Variants in CNGB3 observed in about 807,000 individuals in gnomAD.
CNGB3 encodes cyclic nucleotide gated channel subunit beta 3.
CNGB3 carries 86 observed loss-of-function variants against 92.8 expected under a neutral mutation model. The observed-to-expected ratio is 0.93, with a 90% CI of 0.78 to 1.11. The LOEUF (loss-of-function observed/expected upper bound fraction) is 1.11, where lower values mean the gene tolerates loss of function less well. Among genes scored for constraint, CNGB3 ranks in the 50% least tolerant of loss-of-function variants. CNGB3 has a pLI of 0.00. For synonymous variants in CNGB3, 333 were observed against 332.7 expected, an observed-to-expected ratio of 1.00 and a Z score of -0.01; for missense variants, 1,026 against 956.8, an observed-to-expected ratio of 1.07 and a Z score of -0.95.
intron 3 of CNGB3, among the ~76,000 whole-genome samples, chr8:86,723,713 T>C (rs999700796): frequency 1.3e-5 from 2 of 152,254 alleles, no homozygotes; most frequent in African/African-American, 4.8e-5. Context: ...CAGCTGGTTT[T>C]CACCCAATCC....
chr8:86,676,398 A>G (rs1341494984), intron 3 of CNGB3, among the ~76,000 whole-genome samples: 1 of 152,172 alleles, frequency 6.6e-6, no homozygotes, highest in African/African-American at 2.4e-5. Flanking sequence ...TCGCTGCCTA[A>G]TAGAATACAA....
intron 3 of CNGB3, among the ~76,000 whole-genome samples, chr8:86,683,118 ATAGAGACAT>A (rs921192527): frequency 6.6e-6 from 1 of 152,232 alleles, no homozygotes; most frequent in Non-Finnish European, 1.5e-5. Context: ...GAAAGTATAG[ATAGAGACAT>A]TATTTTTATT....
chr8:86,633,877 G>T (rs938287133), intron 10 of CNGB3, among the ~76,000 whole-genome samples: 2 of 152,096 alleles, frequency 1.3e-5, no homozygotes, highest in Non-Finnish European at 2.9e-5. Context: ...TATTGAATAC[G>T]TAAACCATGG....
At chr8:86,618,716 A>G (rs1224527616) in intron 13 of CNGB3, among the ~76,000 whole-genome samples, 1 of 152,238 alleles carries the variant, frequency 6.6e-6, no homozygotes, top group Non-Finnish European at 1.5e-5. Flanking sequence ...TAATACCATT[A>G]GGGTAAAAAT....
chr8:86,595,875 G>C (rs138341553), intron 15 of CNGB3, among the ~76,000 whole-genome samples: 3 of 152,062 alleles, frequency 2.0e-5, no homozygotes, highest in Non-Finnish European at 4.4e-5. Context: ...AAAATATTTC[G>C]CCATTTCACA....
intron 1 of CNGB3, among the ~76,000 whole-genome samples, chr8:86,741,184 C>A (rs933235774): frequency 1.8e-4 from 28 of 152,142 alleles, no homozygotes; most frequent in Admixed American, 1.8e-3. Context: ...ATCATTTATT[C>A]ATAGTTCAGA....
chr8:86,695,396 C>T (rs553035265), intron 3 of CNGB3, among the ~76,000 whole-genome samples: 1 of 152,036 alleles, frequency 6.6e-6, no homozygotes, highest in African/African-American at 2.4e-5. Flanking sequence ...CAGGTTAATT[C>T]GAAGGCCTTG....
At chr8:86,611,250 A>G (rs1041326226) in intron 14 of CNGB3, among the ~76,000 whole-genome samples, 1 of 152,196 alleles carries the variant, frequency 6.6e-6, no homozygotes, top group African/African-American at 2.4e-5. Flanking sequence ...CCGAAGACAT[A>G]AAAAAGGCTG....
At position 86,658,390 on chromosome 8, in the gene CNGB3, G is replaced by T. The variant is rs1316682335; in HGVS notation, c.853-4328C>A. 5 of 437,138 alleles carry T rather than the reference G, an allele frequency of 1.1e-5. No homozygotes were observed. The East Asian group carries it at 2.7e-4, about 24-fold the overall frequency. 27.1% of individuals were successfully genotyped at this position (437,138 alleles called of 1,614,324 possible). Reference sequence around the variant, plus strand: ...TCCCCATGGAGAGCCATGAGGGTCAGCTGGGCCTGTGGCTGCTACTTCTGC... The same window carrying T: ...TCCCCATGGAGAGCCATGAGGGTCATCTGGGCCTGTGGCTGCTACTTCTGC... On this transcript the variant is annotated intron_variant, in intron 6 of 17. Coordinates refer to ENST00000320005, the MANE Select transcript of CNGB3 (RefSeq NM_019098.5).
chr8:86,642,088 A>G (rs1169496435), intron 10 of CNGB3, among the ~76,000 whole-genome samples: 1 of 151,590 alleles, frequency 6.6e-6, no homozygotes, highest in Non-Finnish European at 1.5e-5. Flanking sequence ...GTCTATTATT[A>G]TATACTTAAC....
At chr8:86,717,844 A>G (rs1177886370) in intron 3 of CNGB3, among the ~76,000 whole-genome samples, 1 of 152,204 alleles carries the variant, frequency 6.6e-6, no homozygotes, top group Non-Finnish European at 1.5e-5. Flanking sequence ...AAAATTTGAA[A>G]TCAACTCCAA....
At chr8:86,691,572 G>C (rs1192525789) in intron 3 of CNGB3, among the ~76,000 whole-genome samples, 1 of 151,978 alleles carries the variant, frequency 6.6e-6, no homozygotes, top group Non-Finnish European at 1.5e-5. Flanking sequence ...ATCAGTTGTA[G>C]TATCTCCCAT....
intron 2 of CNGB3, among the ~76,000 whole-genome samples, chr8:86,738,919 T>C (rs1244977199): frequency 6.6e-6 from 1 of 151,402 alleles, no homozygotes; most frequent in Non-Finnish European, 1.5e-5. Flanking sequence ...TTACAGGACA[T>C]CCTGGTTAAA....
At chr8:86,667,492 T>A (rs897027247) in intron 5 of CNGB3, among the ~76,000 whole-genome samples, 1 of 152,190 alleles carries the variant, frequency 6.6e-6, no homozygotes, top group Non-Finnish European at 1.5e-5. Context: ...GATCTTTAGT[T>A]CCTCAGTAGT....
chr8:86,635,109 TATC>T (rs553147803), intron 10 of CNGB3, among the ~76,000 whole-genome samples: 151 of 152,218 alleles, frequency 9.9e-4, no homozygotes, highest in African/African-American at 3.5e-3. Context: ...GACTTACTAA[TATC>T]ATAGTGAACT....
At chr8:86,660,858 T>A (rs1369121825) in intron 6 of CNGB3, 1 of 410,978 alleles carries the variant, frequency 2.4e-6, no homozygotes, top group African/African-American at 2.1e-5. Context: ...AAGGTCCTCT[T>A]CATAAGGCCA....
At chr8:86,604,748 GC>G (rs2131559701) in intron 14 of CNGB3, among the ~76,000 whole-genome samples, 1 of 152,246 alleles carries the variant, frequency 6.6e-6, no homozygotes, top group South Asian at 2.1e-4. Context: ...CTCAGTTCTT[GC>G]CTATCTTTGG....
chr8:86,611,426 C>T (rs763385046), intron 14 of CNGB3, among the ~76,000 whole-genome samples, 162 bp downstream of exon 14: 4 of 152,156 alleles, frequency 2.6e-5, no homozygotes, highest in Non-Finnish European at 5.9e-5. Context: ...CCTTTGTGAA[C>T]TCTGAGAGCA....
chr8:86,670,933 G>A lies in CNGB3; in HGVS notation c.493+11C>T, dbSNP rs767429913. On this transcript the variant is annotated intron_variant, in intron 4 of 17. Coordinates refer to ENST00000320005, the MANE Select transcript of CNGB3 (RefSeq NM_019098.5). The stretch of plus-strand genomic sequence containing the variant: ...TCTTTCTTCCCAGTACTTGGAGGGA[G>A]CAATGCTTACCAGTTTGTGGGCTGG... 2.9e-5 allele frequency: 47 copies of A among 1,611,968 alleles called. No individual in the cohort carries two copies. The Admixed American group carries it at 7.8e-4, about 27-fold the overall frequency.
Sources: gnomAD v4.1 joint callset for allele counts (sites outside exome capture counted in the v4.1 genomes callset) on GRCh38, gnomAD v4.1.1 for gene constraint, MANE v1.5 for transcripts, NCBI Gene and HGNC (gene_info 2026-07-23, HGNC 2026-07-21) for gene names.